The following PUS7 variants were observed in gnomAD, a reference collection of about 807,000 sequenced individuals.
The protein encoded by PUS7 is pseudouridylate synthase 7 homolog.
A neutral mutation model predicts 79.8 loss-of-function variants in PUS7; 48 were observed. That is an observed-to-expected ratio of 0.60 (90% CI 0.48 to 0.76). The LOEUF (loss-of-function observed/expected upper bound fraction) is 0.76, where lower values mean the gene tolerates loss of function less well. PUS7 is among the 30% of genes least tolerant of loss of function. The pLI is 0.00. For missense variants in PUS7, 729 were observed against 797.6 expected (o/e 0.91, Z 1.04); for synonymous variants, 286 against 272.2 (o/e 1.05, Z -0.50).
At position 105,462,718 on chromosome 7, in the gene PUS7, C is replaced by T; in HGVS notation, c.1660G>A (p.Asp554Asn). The change falls in exon 14 of 16, where the codon GAC becomes AAC. Residue 554 changes from aspartate (D) to asparagine (N), a missense_variant. Coordinates refer to ENST00000469408, the MANE Select transcript of PUS7 (RefSeq NM_019042.5). The part of the protein sequence containing the change: ...QEAYREMLTA[D>N]NLDIDNMRHK... Reference sequence around the variant, plus strand: ...CTCATGTTGTCAATATCAAGATTGTCAGCTGTGAGCATTTCCCTGTAGGCT... The same window carrying T: ...CTCATGTTGTCAATATCAAGATTGTTAGCTGTGAGCATTTCCCTGTAGGCT... 6.2e-7 allele frequency: 1 copy of T among 1,613,602 alleles called. No individual in the cohort carries two copies. Among genetic ancestry groups the T allele is most frequent in the Non-Finnish European group, 8.5e-7 (1 of 1,179,916 alleles).
intron 7 of PUS7, among the ~76,000 whole-genome samples, chr7:105,484,088 A>T (rs917425548): frequency 3.9e-5 from 6 of 152,184 alleles, no homozygotes; most frequent in Non-Finnish European, 7.3e-5. Flanking sequence ...TAATAACTTT[A>T]ATCATTTAAT....
Position 105,482,311 on chromosome 7 carries a change from C to T in PUS7, c.1049+1G>A. Reference sequence around the variant, plus strand: ...CTACATTCCCACCTGCAGTTCTTTACCTGAGAACAACAGTGAAGTGGTTTC... The same window carrying T: ...CTACATTCCCACCTGCAGTTCTTTATCTGAGAACAACAGTGAAGTGGTTTC... On this transcript the variant is annotated splice_donor_variant, in intron 8 of 15. Coordinates refer to ENST00000469408, the MANE Select transcript of PUS7 (RefSeq NM_019042.5). LOFTEE classifies it high-confidence loss of function. 6.2e-7 allele frequency: 1 copy of T among 1,612,888 alleles called. No individual in the cohort carries two copies. Among genetic ancestry groups the T allele is most frequent in the East Asian group, 2.2e-5 (1 of 44,864 alleles).
chr7:105,484,681 T>C (rs560954757), intron 7 of PUS7, among the ~76,000 whole-genome samples: 1 of 150,796 alleles, frequency 6.6e-6, no homozygotes, highest in South Asian at 2.1e-4. Context: ...TAGCCGGGTG[T>C]GGTGGCACAC....
chr7:105,505,246 G>C (rs558184799), intron 4 of PUS7, among the ~76,000 whole-genome samples: 16 of 151,932 alleles, frequency 1.1e-4, no homozygotes, highest in Non-Finnish European at 2.2e-4. Flanking sequence ...CAAGTGATCC[G>C]CCCACCTTGG....
chr7:105,462,020 G>T (rs1299503563), intron 14 of PUS7, among the ~76,000 whole-genome samples: 1 of 150,436 alleles, frequency 6.6e-6, no homozygotes, highest in African/African-American at 2.4e-5. Context: ...TCCAGCCTGG[G>T]TGACAGAAAG....
chr7:105,458,052 G>A (rs1342394262), intron 15 of PUS7, 126 bp from the exon 16 acceptor site: 2 of 1,064,090 alleles, frequency 1.9e-6, no homozygotes, highest in Non-Finnish European at 2.6e-6. Context: ...TTCCTAGGGG[G>A]CCTTGGAGAA....
At chr7:105,459,343 G>T in intron 14 of PUS7, 84 bp from the exon 15 acceptor site, 1 of 796,974 alleles carries the variant, frequency 1.3e-6, no homozygotes. Flanking sequence ...TATTTAGCAA[G>T]AAAAACAAGT....
intron 7 of PUS7, among the ~76,000 whole-genome samples, chr7:105,490,549 C>A (rs534883897): frequency 6.6e-6 from 1 of 152,254 alleles, no homozygotes; most frequent in South Asian, 2.1e-4. Context: ...AGCCTCTATA[C>A]ACCAATCCCC....
At chr7:105,511,233 C>T (rs1825689588) in intron 1 of PUS7, among the ~76,000 whole-genome samples, 1 of 151,126 alleles carries the variant, frequency 6.6e-6, no homozygotes, top group Non-Finnish European at 1.5e-5. Flanking sequence ...CGGGGCTTCA[C>T]CATGTTGGCC....
At chr7:105,484,585 G>T (rs1024501509) in intron 7 of PUS7, among the ~76,000 whole-genome samples, 8 of 150,964 alleles carry the variant, frequency 5.3e-5, no homozygotes, top group African/African-American at 1.9e-4. Context: ...TTGGGAGGCC[G>T]AGGCGGGCGG....
intron 7 of PUS7, among the ~76,000 whole-genome samples, chr7:105,491,249 A>C (rs1370032175): frequency 1.3e-5 from 2 of 152,222 alleles, no homozygotes; most frequent in Non-Finnish European, 2.9e-5. Flanking sequence ...TGTACAACAA[A>C]ACAGCATGTT....
intron 5 of PUS7, among the ~76,000 whole-genome samples, chr7:105,501,315 C>A (rs373890084): frequency 1.8e-4 from 27 of 151,918 alleles, no homozygotes; most frequent in Admixed American, 9.9e-4. Context: ...TACAGGCCAC[C>A]GCTAGTAGGA....
At chr7:105,485,392 A>G (rs1411145902) in intron 7 of PUS7, among the ~76,000 whole-genome samples, 1 of 152,116 alleles carries the variant, frequency 6.6e-6, no homozygotes, top group Non-Finnish European at 1.5e-5. Context: ...TATTTTTAGT[A>G]GAGACAGGGT....
In PUS7 at chr7:105,457,437, A is replaced by C. The variant is rs533583069; in HGVS notation, c.*353T>G. 6.5e-5 allele frequency: 11 copies of C among 168,264 alleles called. No homozygotes were observed. The South Asian group carries it at 1.8e-3, about 27-fold the overall frequency. The allele number at this position is 168,264 out of a possible 1,614,324, so 10.4% of individuals were successfully genotyped here. A position where few individuals can be genotyped will look rare whatever the true frequency, so the allele number is the denominator to read the frequency against. On this transcript the variant is annotated 3_prime_UTR_variant, in exon 16 of 16. Coordinates refer to ENST00000469408, the MANE Select transcript of PUS7 (RefSeq NM_019042.5). ...AATGCATTGTTGTATACTCCATCAC[A>C]GATGTGTCAAATACTCCTGCTGTCT...
chr7:105,503,172 G>A (rs918578544), intron 4 of PUS7, among the ~76,000 whole-genome samples: 1 of 152,134 alleles, frequency 6.6e-6, no homozygotes, highest in Non-Finnish European at 1.5e-5. Context: ...TGTGTCTGCG[G>A]TTATATAGCT....
chr7:105,496,224 T>TAGAGAGAGAGAGAGAG (rs1562809031), intron 5 of PUS7, among the ~76,000 whole-genome samples: 4 of 84,000 alleles, frequency 4.8e-5, no homozygotes, highest in East Asian at 7.5e-4. Flanking sequence ...TATATATATA[T>TAGAGAGAGAGAGAGAG]ATAGAGAGAG....
intron 7 of PUS7, among the ~76,000 whole-genome samples, chr7:105,490,217 A>G (rs971539570): frequency 1.3e-5 from 2 of 152,174 alleles, no homozygotes; most frequent in Non-Finnish European, 2.9e-5. Context: ...ACTGACATAC[A>G]CTGTACACAT....
intron 4 of PUS7, among the ~76,000 whole-genome samples, chr7:105,505,566 C>T (rs1005278268): frequency 1.3e-5 from 2 of 152,130 alleles, no homozygotes; most frequent in African/African-American, 4.8e-5. Flanking sequence ...TTCTAAACAA[C>T]ATATGTCGCT....
chr7:105,498,173 T>C (rs781185761), intron 5 of PUS7, among the ~76,000 whole-genome samples: 3 of 152,190 alleles, frequency 2.0e-5, no homozygotes, highest in Non-Finnish European at 4.4e-5. Context: ...CAGATACAAG[T>C]ATGCATTCTT....
Sources: gnomAD v4.1 joint callset for allele counts (sites outside exome capture counted in the v4.1 genomes callset) on GRCh38, gnomAD v4.1.1 for gene constraint, MANE v1.5 for transcripts, NCBI Gene and HGNC (gene_info 2026-07-23, HGNC 2026-07-21) for gene names.